The following PRKCH variants were observed in gnomAD, a reference collection of about 807,000 sequenced individuals.
The protein encoded by PRKCH is protein kinase C eta type.
In PRKCH, 28 loss-of-function variants were observed where a neutral mutation model predicts 82.5. The observed-to-expected ratio is 0.34, with a 90% CI of 0.25 to 0.47. The LOEUF (loss-of-function observed/expected upper bound fraction) is 0.47, where lower values mean the gene tolerates loss of function less well. PRKCH is among the 20% of genes least tolerant of loss of function. The pLI is 1.00. For missense variants in PRKCH, 705 were observed against 881.8 expected, an observed-to-expected ratio of 0.80 and a Z score of 2.54; for synonymous variants, 322 against 327.4, an observed-to-expected ratio of 0.98 and a Z score of 0.18.
At chr14:61,192,754 G>A (rs1008619033) in intron 1 of PRKCH, among the ~76,000 whole-genome samples, 3 of 152,218 alleles carry the variant, frequency 2.0e-5, no homozygotes, top group African/African-American at 7.2e-5. Context: ...CCAACCAAAT[G>A]TTGATAAGGG....
intron 9 of PRKCH, chr14:61,476,657 A>G (rs1885741863): frequency 6.6e-6 from 1 of 152,208 alleles, no homozygotes; most frequent in Admixed American, 6.5e-5. Context: ...TTACTAGGAA[A>G]ACACTTGGTC....
intron 10 of PRKCH, among the ~76,000 whole-genome samples, chr14:61,509,518 C>T (rs932646913): frequency 5.3e-5 from 8 of 152,020 alleles, no homozygotes; most frequent in South Asian, 2.1e-4. Flanking sequence ...CATAAATTGA[C>T]GATGTAAGAT....
At chr14:61,214,420 G>T (rs1243896889) in intron 1 of PRKCH, among the ~76,000 whole-genome samples, 1 of 151,892 alleles carries the variant, frequency 6.6e-6, no homozygotes, top group Non-Finnish European at 1.5e-5. Flanking sequence ...GCTGTATGAG[G>T]ACCCTCTACA....
intron 1 of PRKCH, among the ~76,000 whole-genome samples, chr14:61,299,043 G>A (rs2045428389): frequency 6.6e-6 from 1 of 152,146 alleles, no homozygotes; most frequent in African/African-American, 2.4e-5. Context: ...CTTCTCCCTT[G>A]ATTCTTCCCT....
intron 10 of PRKCH, among the ~76,000 whole-genome samples, chr14:61,502,629 T>C (rs747443962): frequency 2.0e-5 from 3 of 152,056 alleles, no homozygotes; most frequent in Non-Finnish European, 4.4e-5. Flanking sequence ...TTGTACAGAG[T>C]GGACTGCTTA....
At chr14:61,304,232 T>C (rs960975872) in intron 1 of PRKCH, 5 of 152,022 alleles carry the variant, frequency 3.3e-5, no homozygotes, top group African/African-American at 1.2e-4. Flanking sequence ...AAACCCTCTG[T>C]CCTTTTTTGT....
At chr14:61,419,121 G>A (rs564179185) in intron 2 of PRKCH, among the ~76,000 whole-genome samples, 1 of 152,136 alleles carries the variant, frequency 6.6e-6, no homozygotes, top group Admixed American at 6.5e-5. Flanking sequence ...GAGTCTTAGC[G>A]CTTTAGGGCA....
intron 1 of PRKCH, among the ~76,000 whole-genome samples, chr14:61,261,352 C>G (rs1268862761): frequency 6.6e-6 from 1 of 152,210 alleles, no homozygotes; most frequent in African/African-American, 2.4e-5. Flanking sequence ...GATGTAAGCT[C>G]TCTGGGAATT....
At chr14:61,420,704 A>G (rs1234610443) in intron 2 of PRKCH, among the ~76,000 whole-genome samples, 1 of 152,230 alleles carries the variant, frequency 6.6e-6, no homozygotes, top group Admixed American at 6.5e-5. Context: ...TTGGGAACAG[A>G]TTGAGTAAGC....
At chr14:61,227,482 G>T (rs1032741359) in intron 1 of PRKCH, among the ~76,000 whole-genome samples, 2 of 152,126 alleles carry the variant, frequency 1.3e-5, no homozygotes, top group Non-Finnish European at 2.9e-5. Flanking sequence ...TAGTCCCAGC[G>T]ACTCGGGAGG....
chr14:61,453,447 A>T, intron 7 of PRKCH, 94 bp downstream of exon 7: 1 of 1,339,716 alleles, frequency 7.5e-7, no homozygotes, highest in Middle Eastern at 2.0e-4. Context: ...CAAAGTTCCT[A>T]ATCTTAGCAA....
chr14:61,248,698 T>G (rs761738626), intron 1 of PRKCH, among the ~76,000 whole-genome samples: 9 of 152,240 alleles, frequency 5.9e-5, no homozygotes, highest in African/African-American at 1.9e-4. Flanking sequence ...ATATTTTCTT[T>G]TCTTTTTCCC....
intron 1 of PRKCH, among the ~76,000 whole-genome samples, chr14:61,251,349 T>G (rs904284191): frequency 6.6e-6 from 1 of 152,180 alleles, no homozygotes; most frequent in African/African-American, 2.4e-5. Context: ...CCACTTTCCC[T>G]CCACTACCCT....
chr14:61,513,203 G>A (rs1357522617), intron 10 of PRKCH, among the ~76,000 whole-genome samples: 1 of 152,158 alleles, frequency 6.6e-6, no homozygotes, highest in African/African-American at 2.4e-5. Context: ...CTCAAGGGGT[G>A]TATGAATAAA....
chr14:61,305,786 A>G (rs1001285847), intron 1 of PRKCH: 2 of 152,174 alleles, frequency 1.3e-5, no homozygotes, highest in African/African-American at 4.8e-5. Flanking sequence ...TGTTTTAAAG[A>G]CCTCATCTGC....
At chr14:61,319,891 C>CCA (rs1469941179), upstream of PRKCH, among the ~76,000 whole-genome samples, 514 of 152,356 alleles carry the variant, frequency 3.4e-3, 1 homozygote, top group African/African-American at 0.011. Flanking sequence ...GCCCTTTCCC[C>CCA]CCTGGCCCAT....
intron 1 of PRKCH, among the ~76,000 whole-genome samples, chr14:61,331,186 ATAAT>A (rs1289206854): frequency 6.6e-6 from 1 of 152,152 alleles, no homozygotes; most frequent in Non-Finnish European, 1.5e-5. Context: ...TAGATATGTA[ATAAT>A]TTATTAATTT....
intron 1 of PRKCH, among the ~76,000 whole-genome samples, chr14:61,189,168 G>A (rs2044390978): frequency 6.6e-6 from 1 of 152,222 alleles, no homozygotes; most frequent in African/African-American, 2.4e-5. Flanking sequence ...CGCGAGGCCC[G>A]GGCAGCGTCC....
chr14:61,281,011 A>T (rs1369776715), intron 1 of PRKCH: 4 of 1,539,374 alleles, frequency 2.6e-6, no homozygotes, highest in Non-Finnish European at 3.5e-6. Context: ...CAGGCCGATG[A>T]AGGCCAGGCC....
Sources: gnomAD v4.1 joint callset for allele counts (sites outside exome capture counted in the v4.1 genomes callset) on GRCh38, gnomAD v4.1.1 for gene constraint, MANE v1.5 for transcripts, NCBI Gene and HGNC (gene_info 2026-07-23, HGNC 2026-07-21) for gene names.